Variants in DPP6 observed in about 807,000 individuals in gnomAD.
DPP6 encodes the protein dipeptidyl peptidase like 6, also known as A-type potassium channel modulatory protein DPP6.
A neutral mutation model predicts 122.6 loss-of-function variants in DPP6; 69 were observed. The ratio of observed to expected loss-of-function variants is 0.56; its 90% CI spans 0.46 to 0.69. The LOEUF (loss-of-function observed/expected upper bound fraction) is 0.69. Among genes scored for constraint, DPP6 ranks in the 30% least tolerant of loss-of-function variants. The probability of loss-of-function intolerance (pLI) is 0.00; values close to 1 mark genes in which losing one functional copy is unlikely to be tolerated. For missense variants in DPP6, 928 were observed against 1,116.9 expected (o/e 0.83, Z 2.41); for synonymous variants, 418 against 433.1 (o/e 0.97, Z 0.43).
At chr7:154,691,175 G>C (rs1839910371) in intron 7 of DPP6, among the ~76,000 whole-genome samples, 1 of 152,184 alleles carries the variant, frequency 6.6e-6, no homozygotes, top group South Asian at 2.1e-4. Flanking sequence ...TGTTCAAATG[G>C]TCAGGGTGTG....
At chr7:153,802,542 A>G in the DPP6 span, among the ~76,000 whole-genome samples, 2 of 152,068 alleles carry the variant, frequency 1.3e-5, no homozygotes, top group Non-Finnish European at 1.5e-5. Flanking sequence ...TCCTGGCCTG[A>G]AGTATGACAT....
rs546549972 is a variant in DPP6 at position 153,937,324 on chromosome 7, CCTAA to C, written c.51+49594_51+49597del. Among the ~76,000 whole-genome samples the C allele has an allele frequency of 9.2e-5, 14 of 152,274 alleles. No homozygotes were observed. The East Asian group carries it at 1.4e-3, about 15-fold the overall frequency. On this transcript the variant is annotated intron_variant, in intron 1 of 25. Coordinates refer to the DPP6 transcript ENST00000404039. Reference sequence around the variant, plus strand: ...TATTACATAAAAGCCTCAATTCCCTCCTAACTATCACCAAAACAGATGAGTTGTG... The same window carrying C: ...TATTACATAAAAGCCTCAATTCCCTCCTATCACCAAAACAGATGAGTTGTG...
chr7:154,811,646 A>C (rs547161368), intron 16 of DPP6, among the ~76,000 whole-genome samples: 44 of 152,348 alleles, frequency 2.9e-4, no homozygotes, highest in African/African-American at 1.1e-3. Context: ...AGTGAATACA[A>C]GCAACCTGAT....
chr7:153,829,460 C>T, the DPP6 span, among the ~76,000 whole-genome samples: 1 of 152,108 alleles, frequency 6.6e-6, no homozygotes, highest in Non-Finnish European at 1.5e-5. Context: ...ATGATCTGCC[C>T]ACGTTGGCCT....
At chr7:154,134,480 C>G (rs1161171593) in intron 1 of DPP6, among the ~76,000 whole-genome samples, 1 of 152,162 alleles carries the variant, frequency 6.6e-6, no homozygotes, top group Non-Finnish European at 1.5e-5. Flanking sequence ...GTGCTCCTTC[C>G]TGTAGGGTCT....
At chr7:153,786,873 A>G in the DPP6 span, among the ~76,000 whole-genome samples, 7 of 146,866 alleles carry the variant, frequency 4.8e-5, no homozygotes, top group Admixed American at 2.7e-4. Context: ...AGGGAAGTAA[A>G]AAAATGGCAA....
intron 4 of DPP6, among the ~76,000 whole-genome samples, chr7:154,547,252 C>T (rs891036976): frequency 6.6e-6 from 1 of 152,250 alleles, no homozygotes; most frequent in Non-Finnish European, 1.5e-5. Flanking sequence ...TTTCACTTAG[C>T]ATGTCAGTGA....
At chr7:153,798,372 G>A in the DPP6 span, among the ~76,000 whole-genome samples, 1 of 152,188 alleles carries the variant, frequency 6.6e-6, no homozygotes, top group Admixed American at 6.5e-5. Context: ...AGAAAGAAAT[G>A]TCTTCTACCA....
chr7:154,222,084 C>T (rs1674035069), intron 1 of DPP6, among the ~76,000 whole-genome samples: 1 of 152,148 alleles, frequency 6.6e-6, no homozygotes, highest in South Asian at 2.1e-4. Flanking sequence ...GGTTTTGTCG[C>T]CCACTTGCTC....
At chr7:153,858,039 A>G in the DPP6 span, among the ~76,000 whole-genome samples, 1 of 152,322 alleles carries the variant, frequency 6.6e-6, no homozygotes, top group East Asian at 1.9e-4. Context: ...GTTACATTTC[A>G]TTCTAATTAG....
chr7:153,807,533 G>A, the DPP6 span, among the ~76,000 whole-genome samples: 1 of 151,942 alleles, frequency 6.6e-6, no homozygotes, highest in African/African-American at 2.4e-5. Flanking sequence ...AAAATAAAGT[G>A]TCCAGGGTGA....
At chr7:154,127,559 G>A (rs1310674918) in intron 1 of DPP6, among the ~76,000 whole-genome samples, 1 of 150,374 alleles carries the variant, frequency 6.7e-6, no homozygotes, top group Admixed American at 6.6e-5. Flanking sequence ...CGGCTTTCTG[G>A]TCATGCTGGG....
At position 154,872,629 on chromosome 7, in the gene DPP6, C is replaced by T. The variant is rs1371261765; in HGVS notation, c.1819C>T (p.Pro607Ser). The change falls in exon 19 of 26, where the codon CCC becomes TCC. Residue 607 changes from proline (P) to serine (S), a missense_variant. Physicochemically the swap from Pro to Ser is moderately conservative, Grantham distance 74. Coordinates refer to ENST00000377770, the MANE Select transcript of DPP6 (RefSeq NM_130797.4). ...RDIEIDDYNL[P>S]MQILKPATFT... The stretch of plus-strand genomic sequence containing the variant: ...TGTGCTCTGCTTCTCCCCAGACCTG[C>T]CCATGCAGATACTGAAGCCAGCAAC... 6.2e-7 allele frequency: 1 copy of T among 1,600,546 alleles called. No individual in the cohort carries two copies.
At chr7:154,685,227 G>T (rs1156578783) in intron 7 of DPP6, among the ~76,000 whole-genome samples, 1 of 152,344 alleles carries the variant, frequency 6.6e-6, no homozygotes, top group East Asian at 1.9e-4. Flanking sequence ...ATTTCCCAGT[G>T]AGGTGGCAGA....
chr7:154,892,392 G>A lies in DPP6; in HGVS notation c.2510G>A (p.Arg837Gln). ...TCCAGCCTCAAACAGCATCTGTACCGGTCCATCATCAACTTCTTCGTGGAA... is the reference window on the plus strand; with the variant it reads ...TCCAGCCTCAAACAGCATCTGTACCAGTCCATCATCAACTTCTTCGTGGAA... ...TSSSLKQHLY[R>Q]SIINFFVECF... The change falls in exon 26 of 26, where the codon CGG (arginine) becomes CAG (glutamine). Residue 837 changes from arginine to glutamine, a missense_variant. Arg to Gln is a conservative substitution (Grantham distance 43, BLOSUM62 1). Coordinates refer to ENST00000377770, the MANE Select transcript of DPP6 (RefSeq NM_130797.4). The A allele has an allele frequency of 6.2e-7, 1 of 1,614,010 alleles. No homozygotes were observed. Among genetic ancestry groups the A allele is most frequent in the South Asian group, 1.1e-5 (1 of 91,082 alleles).
rs577542234 is a variant in DPP6, at chr7:154,061,620, G to T, written c.243+8557G>T. On this transcript the variant is annotated intron_variant, in intron 1 of 25. Transcript: ENST00000377770. ...TGGCTCTTGGGACTCCCATCACAGG[G>T]GGGGGAGGCACCCGCTGCGAGGCGG... Among the ~76,000 whole-genome samples, 17 of 129,556 alleles carry T rather than the reference G, an allele frequency of 1.3e-4. 1 individual carries two copies. Among genetic ancestry groups the T allele is most frequent in the East Asian group, 8.8e-4 (4 of 4,558 alleles). The allele number at this position is 129,556 out of a possible 152,430, so 85.0% of individuals were successfully genotyped here. A position where few individuals can be genotyped will look rare whatever the true frequency, so the allele number is the denominator to read the frequency against.
intron 6 of DPP6, among the ~76,000 whole-genome samples, chr7:154,640,262 A>AAAAC (rs1554419866): frequency 6.6e-6 from 1 of 151,860 alleles, no homozygotes; most frequent in Non-Finnish European, 1.5e-5. Context: ...AACAAAAACA[A>AAAAC]AAACAACAAT....
chr7:153,861,649 T>C, the DPP6 span, among the ~76,000 whole-genome samples: 147 of 152,316 alleles, frequency 9.7e-4, no homozygotes, highest in African/African-American at 3.4e-3. Context: ...GGAAATGCAA[T>C]TGGCTACCCT....
At chr7:154,501,073 C>T (rs1438989622) in intron 3 of DPP6, among the ~76,000 whole-genome samples, 1 of 152,162 alleles carries the variant, frequency 6.6e-6, no homozygotes, top group Non-Finnish European at 1.5e-5. Flanking sequence ...CATTTTGCCC[C>T]TGCCCTAGAG....
Sources: gnomAD v4.1 joint callset for allele counts (sites outside exome capture counted in the v4.1 genomes callset) on GRCh38, gnomAD v4.1.1 for gene constraint, MANE v1.5 for transcripts, NCBI Gene and HGNC (gene_info 2026-07-23, HGNC 2026-07-21) for gene names.